The following MACROD2 variants were observed in gnomAD, a reference collection of about 807,000 sequenced individuals.
MACROD2 encodes the protein mono-ADP ribosylhydrolase 2.
In MACROD2, 36 loss-of-function variants were observed where a neutral mutation model predicts 70.4. The observed-to-expected ratio is 0.51, with a 90% CI of 0.39 to 0.68. The LOEUF is 0.68. Ranked by LOEUF, MACROD2 falls within the 30% of genes least tolerant of loss-of-function variation. The pLI, the probability that MACROD2 is intolerant of heterozygous loss-of-function variation, is 0.00. For missense variants in MACROD2, 496 were observed against 538.4 expected (o/e 0.92, Z 0.78); for synonymous variants, 172 against 178.8 (o/e 0.96, Z 0.30).
At chr20:15,356,135 C>A (rs1276034677) in intron 6 of MACROD2, among the ~76,000 whole-genome samples, 1 of 151,960 alleles carries the variant, frequency 6.6e-6, no homozygotes, top group African/African-American at 2.4e-5. Flanking sequence ...GCCCAGATAT[C>A]AGGAGTCACT....
chr20:15,143,519 A>G (rs975365862), intron 5 of MACROD2, among the ~76,000 whole-genome samples: 4 of 152,160 alleles, frequency 2.6e-5, no homozygotes, highest in South Asian at 2.1e-4. Flanking sequence ...TAGTTTAATT[A>G]GATCCCATTT....
chr20:15,647,016 C>G (rs1277277224), intron 8 of MACROD2, among the ~76,000 whole-genome samples: 1 of 152,218 alleles, frequency 6.6e-6, no homozygotes, highest in Non-Finnish European at 1.5e-5. Flanking sequence ...TATTGCATCT[C>G]ATTCTGTGGT....
At chr20:14,465,005 T>C (rs985513683) in intron 3 of MACROD2, among the ~76,000 whole-genome samples, 4 of 152,114 alleles carry the variant, frequency 2.6e-5, no homozygotes, top group African/African-American at 9.7e-5. Context: ...AAAGAATGTA[T>C]ATTCTGTTGA....
intron 3 of MACROD2, among the ~76,000 whole-genome samples, chr20:14,149,190 A>G (rs964886354): frequency 9.4e-6 from 1 of 106,438 alleles, no homozygotes; most frequent in Admixed American, 1.1e-4. Flanking sequence ...TAAGTACCCA[A>G]TGTTTTTTTT....
intron 7 of MACROD2, among the ~76,000 whole-genome samples, chr20:15,454,428 C>CAT (rs1449094356): frequency 7.5e-5 from 11 of 145,878 alleles, no homozygotes; most frequent in African/African-American, 2.7e-4. Context: ...CACACACACA[C>CAT]ACACACACAC....
intron 8 of MACROD2, among the ~76,000 whole-genome samples, chr20:15,735,880 C>G (rs1302522885): frequency 1.3e-5 from 2 of 152,120 alleles, no homozygotes; most frequent in African/African-American, 4.8e-5. Flanking sequence ...TCTTGATCCC[C>G]AAAGGAATAC....
chr20:15,084,562 G>A (rs1267803207), intron 5 of MACROD2, among the ~76,000 whole-genome samples: 2 of 152,130 alleles, frequency 1.3e-5, no homozygotes, highest in Non-Finnish European at 2.9e-5. Context: ...TAATATGGAA[G>A]TTAGAAATAA....
At chr20:15,167,851 G>A (rs1417413248) in intron 5 of MACROD2, among the ~76,000 whole-genome samples, 2 of 152,116 alleles carry the variant, frequency 1.3e-5, no homozygotes, top group Admixed American at 6.6e-5. Flanking sequence ...TTCACATTCA[G>A]AAATATTAGG....
At chr20:15,041,213 A>G (rs1010799639) in intron 5 of MACROD2, among the ~76,000 whole-genome samples, 1 of 152,192 alleles carries the variant, frequency 6.6e-6, no homozygotes, top group Non-Finnish European at 1.5e-5. Context: ...ATAATGCTAC[A>G]TCTAGAAAGG....
At chr20:15,229,537 T>G (rs533267827) in intron 5 of MACROD2, among the ~76,000 whole-genome samples, 1 of 152,338 alleles carries the variant, frequency 6.6e-6, no homozygotes, top group African/African-American at 2.4e-5. Context: ...AGGCTAGCAC[T>G]GGCTCTTCCC....
intron 3 of MACROD2, among the ~76,000 whole-genome samples, chr20:14,477,422 T>C (rs898365544): frequency 6.6e-6 from 1 of 152,190 alleles, no homozygotes; most frequent in East Asian, 1.9e-4. Flanking sequence ...TACTACGTTT[T>C]GAAATTTTAA....
At chr20:14,938,783 C>T (rs1458481482) in intron 5 of MACROD2, among the ~76,000 whole-genome samples, 1 of 151,898 alleles carries the variant, frequency 6.6e-6, no homozygotes, top group East Asian at 1.9e-4. Context: ...CAAAACAAAA[C>T]AAAACAAAAC....
At chr20:15,173,189 A>G (rs983325998) in intron 5 of MACROD2, among the ~76,000 whole-genome samples, 2 of 149,766 alleles carry the variant, frequency 1.3e-5, no homozygotes, top group African/African-American at 4.8e-5. Flanking sequence ...ATCCATTACT[A>G]TTCAACTTTA....
intron 5 of MACROD2, among the ~76,000 whole-genome samples, chr20:14,847,015 G>A (rs938548769): frequency 7.3e-5 from 11 of 151,684 alleles, no homozygotes; most frequent in Middle Eastern, 3.2e-3. Flanking sequence ...TGTACACATC[G>A]ATGCTTTAGA....
intron 3 of MACROD2, among the ~76,000 whole-genome samples, chr20:14,331,337 CG>C (rs1270779672): frequency 6.6e-6 from 1 of 151,982 alleles, no homozygotes; most frequent in Non-Finnish European, 1.5e-5. Context: ...TGTGAAAAGA[CG>C]GAAGATTAAT....
rs1473363474 is a variant in MACROD2 at position 15,929,429 on chromosome 20, T to TA, written c.776-3847_776-3846insA. On this transcript the variant is annotated intron_variant, in intron 10 of 17. Coordinates refer to ENST00000684519, the MANE Select transcript of MACROD2 (RefSeq NM_001351661.2). The stretch of plus-strand genomic sequence containing the variant: ...CTGCTCACAGTGGGAGGACACTGAT[T>TA]TTATATATATATATATACACATATA... Among the ~76,000 whole-genome samples, 187 of 88,284 alleles carry TA rather than the reference T, an allele frequency of 2.1e-3. 2 individuals carry two copies. The East Asian group carries it at 0.043, about 21-fold the overall frequency. The allele number at this position is 88,284 out of a possible 152,430, so 57.9% of individuals were successfully genotyped here.
chr20:14,338,527 T>C (rs1233818050), intron 3 of MACROD2, among the ~76,000 whole-genome samples: 1 of 152,212 alleles, frequency 6.6e-6, no homozygotes, highest in African/African-American at 2.4e-5. Context: ...GTATGTTTTA[T>C]GTACTTCTGC....
intron 8 of MACROD2, among the ~76,000 whole-genome samples, chr20:15,788,291 T>C (rs901444085): frequency 2.0e-5 from 3 of 152,198 alleles, no homozygotes; most frequent in African/African-American, 7.2e-5. Flanking sequence ...GCTGCTGTTG[T>C]TGTGGGTATA....
chr20:14,697,041 T>C (rs1439569187), intron 5 of MACROD2, among the ~76,000 whole-genome samples: 1 of 152,192 alleles, frequency 6.6e-6, no homozygotes, highest in Non-Finnish European at 1.5e-5. Flanking sequence ...AGGGATTGTG[T>C]TCAGTTTGTG....
Sources: gnomAD v4.1 joint callset for allele counts (sites outside exome capture counted in the v4.1 genomes callset) on GRCh38, gnomAD v4.1.1 for gene constraint, MANE v1.5 for transcripts, NCBI Gene and HGNC (gene_info 2026-07-23, HGNC 2026-07-21) for gene names.